DSCAM: variants seen among roughly 807,000 people sequenced by gnomAD.
DSCAM encodes cell adhesion molecule DSCAM.
Under a neutral mutation model 217.7 loss-of-function variants are expected in DSCAM, and 47 were observed. The observed-to-expected ratio is 0.22, with a 90% CI of 0.17 to 0.28. The LOEUF (loss-of-function observed/expected upper bound fraction) is 0.28. Among genes scored for constraint, DSCAM ranks in the 10% least tolerant of loss-of-function variants. The pLI is 1.00. For missense variants in DSCAM, 2,080 were observed against 2,618.3 expected, an observed-to-expected ratio of 0.79 and a Z score of 4.49; for synonymous variants, 1,056 against 1,015.3, an observed-to-expected ratio of 1.04 and a Z score of -0.76.
intron 27 of DSCAM, among the ~76,000 whole-genome samples, chr21:40,074,732 G>A (rs1201336212): frequency 2.0e-5 from 3 of 152,168 alleles, no homozygotes; most frequent in African/African-American, 7.2e-5. Flanking sequence ...TGGCTTTGCT[G>A]GACCCACTGA....
At chr21:40,204,542 A>G (rs2091103749) in intron 11 of DSCAM, among the ~76,000 whole-genome samples, 1 of 152,190 alleles carries the variant, frequency 6.6e-6, no homozygotes, top group Admixed American at 6.5e-5. Flanking sequence ...GGTCTCTATA[A>G]CCTTGGCCTA....
chr21:40,718,662 G>A (rs945640780), intron 1 of DSCAM, among the ~76,000 whole-genome samples: 26 of 152,154 alleles, frequency 1.7e-4, no homozygotes, highest in Admixed American at 1.7e-3. Context: ...ATTTGGGTGA[G>A]GGCACAGCCA....
chr21:40,218,123 T>C (rs2142131), intron 11 of DSCAM, among the ~76,000 whole-genome samples: 103,670 of 151,936 alleles, frequency 0.68, 36,423 homozygotes, highest in African/African-American at 0.85. Context: ...AGGGTTTTTA[T>C]GGTTTTGGGT....
rs568218908 is a variant in DSCAM at position 40,553,913 on chromosome 21, G to A, written c.508+138897C>T. ...AAAACTGAGGCCCAACAGGTTACGT[G>A]ACTTATCCTCCTCAGAGCAAAGCCA... On this transcript the variant is annotated intron_variant, in intron 3 of 32. Transcript: ENST00000400454. 2.0e-5 allele frequency among the ~76,000 whole-genome samples: 3 copies of A among 152,218 alleles called. No individual in the cohort carries two copies. The South Asian group carries it at 6.2e-4, about 32-fold the overall frequency.
chr21:40,234,427 T>A (rs2091408193), intron 11 of DSCAM, among the ~76,000 whole-genome samples: 1 of 152,200 alleles, frequency 6.6e-6, no homozygotes, highest in Non-Finnish European at 1.5e-5. Flanking sequence ...AGCAAAGCAG[T>A]TCCCACTGGG....
Position 40,694,664 on chromosome 21 carries a change from C to A in DSCAM, c.362-1708G>T, listed in dbSNP as rs370003987. Among the ~76,000 whole-genome samples, 31 of 151,842 alleles carry A rather than the reference C, an allele frequency of 2.0e-4. No individual in the cohort carries two copies. The South Asian group carries it at 6.3e-3, about 31-fold the overall frequency. On this transcript the variant is annotated intron_variant, in intron 2 of 32. Coordinates refer to ENST00000400454, the MANE Select transcript of DSCAM (RefSeq NM_001389.5). ...GACCCCCATCACTGTAATCCCCAAG[C>A]GGCATGAGGTGAAGGTCCAGGCAGC...
intron 3 of DSCAM, among the ~76,000 whole-genome samples, chr21:40,373,430 T>C (rs2074919293): frequency 6.6e-6 from 1 of 152,088 alleles, no homozygotes; most frequent in South Asian, 2.1e-4. Context: ...TAAACAGATT[T>C]GAGCCTTTGG....
At chr21:40,351,736 T>C (rs2074633457) in intron 5 of DSCAM, among the ~76,000 whole-genome samples, 1 of 151,952 alleles carries the variant, frequency 6.6e-6, no homozygotes, top group African/African-American at 2.4e-5. Flanking sequence ...GGAACAATGA[T>C]AAAAATAAGC....
intron 28 of DSCAM, among the ~76,000 whole-genome samples, chr21:40,062,051 G>T (rs1439944611): frequency 2.6e-5 from 4 of 152,190 alleles, no homozygotes. Context: ...ACGTGTAAAT[G>T]CTTCATATCA....
intron 3 of DSCAM, chr21:40,615,314 ATTG>A (rs2089377377): frequency 6.6e-6 from 1 of 151,588 alleles, no homozygotes. Context: ...AGAAAAGAAA[ATTG>A]ATGGGAATAT....
At position 40,620,298 on chromosome 21, in the gene DSCAM, AAAAG is replaced by A. The variant is rs769747308; in HGVS notation, c.508+72508_508+72511del. ...AAGAGAGAAAGAGAGAGAAAAAAGAAAAAGAAAGAGAGAGAGAAAGAGAGAGAAA... is the reference window on the plus strand; with the variant it reads ...AAGAGAGAAAGAGAGAGAAAAAAGAAAAAGAGAGAGAGAAAGAGAGAGAAA... On this transcript the variant is annotated intron_variant, in intron 3 of 32. Coordinates refer to ENST00000400454, the MANE Select transcript of DSCAM (RefSeq NM_001389.5). 7.7e-4 allele frequency among the ~76,000 whole-genome samples: 57 copies of A among 74,058 alleles called. 4 individuals carry two copies. The highest frequency in any genetic ancestry group is 5.2e-4 in the Non-Finnish European group (17 of 32,958). 48.6% of individuals were successfully genotyped at this position (74,058 alleles called of 152,430 possible). A position where few individuals can be genotyped will look rare whatever the true frequency, so the allele number is the denominator to read the frequency against.
At chr21:40,062,038 C>T (rs532117162) in intron 28 of DSCAM, among the ~76,000 whole-genome samples, 120 of 152,258 alleles carry the variant, frequency 7.9e-4, no homozygotes, top group African/African-American at 2.7e-3. Flanking sequence ...GCAATTAATC[C>T]ATACGTGTAA....
At chr21:40,518,522 TA>T in intron 3 of DSCAM, among the ~76,000 whole-genome samples, 1 of 49,706 alleles carries the variant, frequency 2.0e-5, no homozygotes, top group Non-Finnish European at 3.1e-5. Context: ...ATATATAATA[TA>T]TATTTTATAT....
intron 4 of DSCAM, 55 bp from the exon 5 acceptor site, chr21:40,353,798 T>G: frequency 7.1e-7 from 1 of 1,418,110 alleles, no homozygotes; most frequent in South Asian, 1.6e-5. Context: ...AAGTGGTCAT[T>G]TAGAATTGTA....
At chr21:40,053,327 C>T (rs1252651182) in intron 29 of DSCAM, among the ~76,000 whole-genome samples, 8 of 152,198 alleles carry the variant, frequency 5.3e-5, no homozygotes, top group African/African-American at 1.4e-4. Context: ...CTTGGAGGTC[C>T]GGCCCCGTGG....
intron 3 of DSCAM, among the ~76,000 whole-genome samples, chr21:40,445,452 A>T (rs1464762503): frequency 6.6e-6 from 1 of 152,172 alleles, no homozygotes; most frequent in African/African-American, 2.4e-5. Flanking sequence ...TCACTTTCCA[A>T]ATCTCAGATT....
At chr21:40,834,711 A>G (rs879868989) in intron 1 of DSCAM, among the ~76,000 whole-genome samples, 5 of 152,100 alleles carry the variant, frequency 3.3e-5, no homozygotes, top group Non-Finnish European at 7.4e-5. Context: ...GGTCACAGCA[A>G]TGTCTTCCAC....
At chr21:40,265,027 G>GA (rs112537966) in intron 11 of DSCAM, among the ~76,000 whole-genome samples, 5,384 of 151,304 alleles carry the variant, frequency 0.036, 309 homozygotes, top group African/African-American at 0.12. Context: ...CATTTATACT[G>GA]AAAAAAAATA....
Position 40,458,512 on chromosome 21 carries a change from GA to G in DSCAM, c.509-89268del, listed in dbSNP as rs1409899201. The stretch of plus-strand genomic sequence containing the variant: ...AAATGACATAAGCATCCAACTGAAA[GA>G]ACTAGAAAAAAGCCAATAAAATATG... On this transcript the variant is annotated intron_variant, in intron 3 of 32. Transcript: ENST00000400454. Among the ~76,000 whole-genome samples, 4 of 151,900 alleles carry G rather than the reference GA, an allele frequency of 2.6e-5. No homozygotes were observed. In the East Asian group the frequency reaches 7.8e-4, roughly 30 times the overall value.
Sources: allele counts gnomAD v4.1 joint callset (sites outside exome capture counted in the v4.1 genomes callset), GRCh38; gene constraint gnomAD v4.1.1; transcripts MANE v1.5; gene names NCBI Gene and HGNC (gene_info 2026-07-23, HGNC 2026-07-21).